The following ARID2 variants were observed in gnomAD, a reference collection of about 807,000 sequenced individuals.
ARID2 encodes the protein AT-rich interaction domain 2.
In ARID2, 32 loss-of-function variants were observed where a neutral mutation model predicts 184.6. The observed-to-expected ratio is 0.17, with a 90% CI of 0.13 to 0.23. The LOEUF (loss-of-function observed/expected upper bound fraction) is 0.23, where lower values mean the gene tolerates loss of function less well. Among genes scored for constraint, ARID2 ranks in the 10% least tolerant of loss-of-function variants. ARID2 has a pLI of 1.00. For missense variants in ARID2, 1,696 were observed against 2,197.6 expected, an observed-to-expected ratio of 0.77 and a Z score of 4.56; for synonymous variants, 836 against 772.6, an observed-to-expected ratio of 1.08 and a Z score of -1.36.
chr12:45,812,872 A>G (rs1565605765), intron 4 of ARID2, among the ~76,000 whole-genome samples: 1 of 152,210 alleles, frequency 6.6e-6, no homozygotes, highest in Non-Finnish European at 1.5e-5. Context: ...TGTAACTTAA[A>G]CAGACTTTGG....
At chr12:45,774,539 G>A (rs765642540) in intron 3 of ARID2, among the ~76,000 whole-genome samples, 51 of 152,096 alleles carry the variant, frequency 3.4e-4, no homozygotes, top group Admixed American at 8.5e-4. Context: ...GTACATGTTT[G>A]TGTGTTGTGT....
At chr12:45,782,618 C>T (rs1270930394) in intron 3 of ARID2, among the ~76,000 whole-genome samples, 1 of 151,704 alleles carries the variant, frequency 6.6e-6, no homozygotes, top group African/African-American at 2.4e-5. Flanking sequence ...GGCGACAGAG[C>T]GAGACTCTGT....
chr12:45,805,992 CTGTT>C (rs571102785), intron 3 of ARID2, among the ~76,000 whole-genome samples: 8 of 152,126 alleles, frequency 5.3e-5, no homozygotes, highest in Middle Eastern at 3.4e-3. Flanking sequence ...ATCTATCAGA[CTGTT>C]TGTTTGTTTG....
At chr12:45,799,677 A>G (rs1942458445) in intron 3 of ARID2, among the ~76,000 whole-genome samples, 1 of 152,216 alleles carries the variant, frequency 6.6e-6, no homozygotes, top group African/African-American at 2.4e-5. Flanking sequence ...TGACAAAATA[A>G]GAGAATGGGT....
chr12:45,887,896 G>C (rs1944221959), intron 16 of ARID2, among the ~76,000 whole-genome samples: 1 of 152,214 alleles, frequency 6.6e-6, no homozygotes, highest in Admixed American at 6.5e-5. Context: ...ATTTGGCTGA[G>C]ATCCTAGAGA....
chr12:45,835,087 C>G (rs1943194075), intron 6 of ARID2, among the ~76,000 whole-genome samples: 1 of 152,062 alleles, frequency 6.6e-6, no homozygotes, highest in African/African-American at 2.4e-5. Context: ...AACTTATTTA[C>G]TTGCCCTCTC....
intron 3 of ARID2, among the ~76,000 whole-genome samples, chr12:45,803,078 T>C (rs1272199787): frequency 1.3e-5 from 2 of 152,136 alleles, no homozygotes; most frequent in African/African-American, 2.4e-5. Context: ...AAAGTCTTTT[T>C]TTCTAAAAAA....
At chr12:45,769,725 C>T (rs1346105285) in intron 3 of ARID2, among the ~76,000 whole-genome samples, 1 of 152,146 alleles carries the variant, frequency 6.6e-6, no homozygotes, top group South Asian at 2.1e-4. Flanking sequence ...TGAATAAATG[C>T]AGAGAGATTC....
At chr12:45,734,006 G>A (rs1296272750) in intron 3 of ARID2, among the ~76,000 whole-genome samples, 1 of 152,134 alleles carries the variant, frequency 6.6e-6, no homozygotes, top group Non-Finnish European at 1.5e-5. Context: ...TACACGTACT[G>A]TGTACCCACA....
In ARID2 at chr12:45,830,787, C is replaced by T. The variant is rs540841344; in HGVS notation, c.706-5802C>T. 7.9e-5 allele frequency among the ~76,000 whole-genome samples: 12 copies of T among 152,252 alleles called. No individual in the cohort carries two copies. The South Asian group carries it at 1.4e-3, about 18-fold the overall frequency. On this transcript the variant is annotated intron_variant, in intron 6 of 20. Coordinates refer to ENST00000334344, the MANE Select transcript of ARID2 (RefSeq NM_152641.4). ...ACAAATGGCTGGGCACGGTGGCTCA[C>T]GCCTATAATCCCAACACTTTGACTT...
intron 3 of ARID2, among the ~76,000 whole-genome samples, chr12:45,770,768 T>C (rs1941860838): frequency 1.3e-5 from 2 of 151,902 alleles, no homozygotes; most frequent in African/African-American, 4.8e-5. Flanking sequence ...CACAGCAGGG[T>C]AGAAAACCAA....
chr12:45,802,690 T>G (rs1942529320), intron 3 of ARID2, among the ~76,000 whole-genome samples: 2 of 152,124 alleles, frequency 1.3e-5, no homozygotes, highest in Non-Finnish European at 2.9e-5. Flanking sequence ...TAAATAAGCT[T>G]CAAGAGTACT....
At chr12:45,893,358 T>C (rs1183168617) in intron 18 of ARID2, 62 bp from the exon 19 acceptor site, 1 of 1,534,360 alleles carries the variant, frequency 6.5e-7, no homozygotes, top group Non-Finnish European at 8.8e-7. Context: ...GTGGTCATAG[T>C]TGTCAGTCTG....
At chr12:45,859,959 T>G (rs758047339) in intron 15 of ARID2, among the ~76,000 whole-genome samples, 4 of 152,206 alleles carry the variant, frequency 2.6e-5, no homozygotes, top group Non-Finnish European at 5.9e-5. Flanking sequence ...CTCGAACTCC[T>G]GACCTCAGGT....
intron 4 of ARID2, among the ~76,000 whole-genome samples, chr12:45,817,308 AGCGACATT>A (rs1942819831): frequency 1.3e-5 from 2 of 152,074 alleles, no homozygotes; most frequent in South Asian, 2.1e-4. Flanking sequence ...GAGCTATGAA[AGCGACATT>A]GCACTCCATC....
chr12:45,893,666 C>A lies in ARID2; in HGVS notation c.5308C>A (p.Leu1770Ile). Reference sequence around the variant, plus strand: ...GGGACCAATAACTAAACACATCCGACTAACAGCTGCCTTAATATTAAAAAA... The same window carrying A: ...GGGACCAATAACTAAACACATCCGAATAACAGCTGCCTTAATATTAAAAAA... ...KEGPITKHIR[L>I]TAALILKNIG... is the part of the protein sequence containing the mutation. Residue 1770 changes from leucine (L) to isoleucine (I), a missense_variant, in exon 20 of 21, where the codon CTA (leucine) becomes ATA (isoleucine). Physicochemically the swap from Leu to Ile is conservative, Grantham distance 5 (BLOSUM62 2). Coordinates refer to ENST00000334344, the MANE Select transcript of ARID2 (RefSeq NM_152641.4). The A allele has an allele frequency of 5.0e-6, 8 of 1,606,892 alleles. No individual in the cohort carries two copies. The highest frequency in any genetic ancestry group is 6.8e-6 in the Non-Finnish European group (8 of 1,178,156).
chr12:45,821,539 C>T (rs1942896448), intron 6 of ARID2, 52 bp downstream of exon 6: 1 of 1,159,048 alleles, frequency 8.6e-7, no homozygotes, highest in Non-Finnish European at 1.2e-6. Flanking sequence ...GCAGCTAAGC[C>T]AACAATAGAT....
chr12:45,761,651 A>G (rs1362679388), intron 3 of ARID2, among the ~76,000 whole-genome samples: 4 of 151,130 alleles, frequency 2.6e-5, no homozygotes. Flanking sequence ...AGCTTTTAAA[A>G]TTTTGTCTTT....
intron 3 of ARID2, among the ~76,000 whole-genome samples, chr12:45,745,531 A>G (rs1040465682): frequency 2.0e-5 from 3 of 152,174 alleles, no homozygotes; most frequent in African/African-American, 7.2e-5. Flanking sequence ...TCTTTGCTAT[A>G]TAAAACGGGG....
Sources: gnomAD v4.1 joint callset for allele counts (sites outside exome capture counted in the v4.1 genomes callset) on GRCh38, gnomAD v4.1.1 for gene constraint, MANE v1.5 for transcripts, NCBI Gene and HGNC (gene_info 2026-07-23, HGNC 2026-07-21) for gene names.